The following OTOP3 variants were observed in gnomAD, a reference collection of about 807,000 sequenced individuals.
The protein encoded by OTOP3 is proton channel OTOP3.
OTOP3 carries 41 observed loss-of-function variants against 50.8 expected under a neutral mutation model. That is an observed-to-expected ratio of 0.81 (90% CI 0.63 to 1.05). The LOEUF (loss-of-function observed/expected upper bound fraction) is 1.05. Ranked by LOEUF, OTOP3 falls within the 50% of genes least tolerant of loss-of-function variation. OTOP3 has a pLI of 0.00. For synonymous variants in OTOP3, 320 were observed against 324.4 expected, an observed-to-expected ratio of 0.99 and a Z score of 0.14; for missense variants, 788 against 760.8, an observed-to-expected ratio of 1.04 and a Z score of -0.42.
At position 74,947,250 on chromosome 17, in the gene OTOP3, C is replaced by G. The variant is rs372775110; in HGVS notation, c.1341C>G (p.Asn447Lys). ...TCATCCTGCAGCACATCGCTCAGAA[C>G]CTCTTCATCATCGAGGGCCTGCACC... ...LLLILQHIAQ[N>K]LFIIEGLHRR... The change falls in exon 6 of 7, where the codon AAC (asparagine) becomes AAG (lysine). Residue 447 changes from asparagine to lysine, a missense_variant. By Grantham distance (94) the Asn-to-Lys change is moderately conservative. Transcript: ENST00000328801. The G allele has an allele frequency of 1.2e-6, 2 of 1,613,946 alleles. No individual in the cohort carries two copies. Among genetic ancestry groups the G allele is most frequent in the East Asian group, 2.2e-5 (1 of 44,884 alleles).
In OTOP3 at chr17:74,935,903, C is replaced by CGG. The variant is rs1395298218; in HGVS notation, c.-18_-17dup. 2 of 1,546,962 alleles carry CGG rather than the reference C, an allele frequency of 1.3e-6. No homozygotes were observed. The highest frequency in any genetic ancestry group is 1.7e-4 in the Middle Eastern group (1 of 6,010). On this transcript the variant is annotated 5_prime_UTR_variant, in exon 1 of 7. Coordinates refer to ENST00000328801, the MANE Select transcript of OTOP3 (RefSeq NM_001272005.2). ...GGACGATCCGCTCAGCGCCCGCAGTCGGTGGTTAGCCCACGGCGATGCCTC... is the reference window on the plus strand; with the variant it reads ...GGACGATCCGCTCAGCGCCCGCAGTCGGGGTGGTTAGCCCACGGCGATGCCTC...
At chr17:74,936,958 A>G (rs202120713) in intron 1 of OTOP3, among the ~76,000 whole-genome samples, 2,281 of 29,778 alleles carry the variant, frequency 0.077, 196 homozygotes, top group African/African-American at 0.22. Flanking sequence ...TCACCCCCCC[A>G]CCCTTTTTTT....
In OTOP3 at chr17:74,941,619, C is replaced by A; in HGVS notation, c.246C>A (p.Phe82Leu). The change falls in exon 2 of 7, where the codon TTC becomes TTA. Residue 82 changes from phenylalanine (F) to leucine (L), a missense_variant. Physicochemically the swap from Phe to Leu is conservative, Grantham distance 22 (BLOSUM62 0). Coordinates refer to ENST00000328801, the MANE Select transcript of OTOP3 (RefSeq NM_001272005.2). Reference protein sequence around the residue: ...FSGLLALNVVFLGGAFICSMI... With the variant: ...FSGLLALNVVLLGGAFICSMI... ...GGCTCCTGGCCCTGAATGTGGTGTT[C>A]CTGGGTGGCGCCTTCATCTGCAGCA... 1 of 1,613,786 alleles carries A rather than the reference C, an allele frequency of 6.2e-7. No homozygotes were observed. Among genetic ancestry groups the A allele is most frequent in the Non-Finnish European group, 8.5e-7 (1 of 1,179,794 alleles).
chr17:74,942,902 G>T (rs1294861862), intron 3 of OTOP3, among the ~76,000 whole-genome samples: 1 of 152,084 alleles, frequency 6.6e-6, no homozygotes, highest in Non-Finnish European at 1.5e-5. Flanking sequence ...CCGAGATTGC[G>T]CCACTGCACT....
intron 1 of OTOP3, among the ~76,000 whole-genome samples, chr17:74,936,961 C>CTTTTTTTTTTTT (rs1191319023): frequency 9.9e-6 from 1 of 101,308 alleles, no homozygotes; most frequent in Non-Finnish European, 2.0e-5. Flanking sequence ...CCCCCCCACC[C>CTTTTTTTTTTTT]TTTTTTTTTT....
intron 5 of OTOP3, among the ~76,000 whole-genome samples, chr17:74,945,032 C>T (rs2144786333): frequency 6.6e-6 from 1 of 152,092 alleles, no homozygotes; most frequent in East Asian, 1.9e-4. Context: ...ACTACAGTTT[C>T]AAACTTCTGG....
chr17:74,939,645 G>A (rs1200232052), intron 1 of OTOP3, among the ~76,000 whole-genome samples: 1 of 152,150 alleles, frequency 6.6e-6, no homozygotes, highest in Non-Finnish European at 1.5e-5. Context: ...GTGAATGCTT[G>A]GGAGAGGTGA....
chr17:74,943,476 C>A, intron 4 of OTOP3, 130 bp from the exon 5 acceptor site: 1 of 1,333,624 alleles, frequency 7.5e-7, no homozygotes, highest in Non-Finnish European at 1.1e-6. Flanking sequence ...CTCTTGTGTC[C>A]TAGTGCCAGT....
At chr17:74,944,902 A>G (rs34966732) in intron 5 of OTOP3, among the ~76,000 whole-genome samples, 2 of 152,154 alleles carry the variant, frequency 1.3e-5, no homozygotes, top group African/African-American at 4.8e-5. Flanking sequence ...AAATCATGAC[A>G]TTATATCTCA....
intron 6 of OTOP3, 113 bp from the exon 7 acceptor site, chr17:74,949,133 G>T (rs772641131): frequency 8.6e-6 from 9 of 1,041,550 alleles, no homozygotes; most frequent in Middle Eastern, 2.5e-4. Context: ...AAGACTGAGC[G>T]GGAGGTGGGG....
rs1487281958 is a variant in OTOP3, at chr17:74,947,145, C to T, written c.1236C>T (p.Ala412=). Reference sequence around the variant, plus strand: ...CTGCACTGGGCCAGATGGGCATCGCCTATTTCTCCATCGTGGCCATTGTGG... The same window carrying T: ...CTGCACTGGGCCAGATGGGCATCGCTTATTTCTCCATCGTGGCCATTGTGG... ...MGAALGQMGI[A]YFSIVAIVAK... The change falls in exon 6 of 7, where the codon GCC becomes GCT. Residue 412 remains alanine, a synonymous_variant. Coordinates refer to ENST00000328801, the MANE Select transcript of OTOP3 (RefSeq NM_001272005.2). 1 of 1,614,108 alleles carries T rather than the reference C, an allele frequency of 6.2e-7. No individual in the cohort carries two copies. Among genetic ancestry groups the T allele is most frequent in the South Asian group, 1.1e-5 (1 of 91,088 alleles).
At chr17:74,939,969 T>C (rs1196499993) in intron 1 of OTOP3, among the ~76,000 whole-genome samples, 1 of 151,906 alleles carries the variant, frequency 6.6e-6, no homozygotes, top group Non-Finnish European at 1.5e-5. Context: ...AGTGCAGTGG[T>C]CCAATCATAG....
chr17:74,941,745 C>A lies in OTOP3; in HGVS notation c.372C>A (p.Ser124Arg), dbSNP rs775030109. 5.0e-6 allele frequency: 8 copies of A among 1,613,982 alleles called. No homozygotes were observed. In the Admixed American group the frequency reaches 1.2e-4, roughly 24 times the overall value. Residue 124 changes from serine (S) to arginine (R), a missense_variant, in exon 2 of 7, where the codon AGC becomes AGA. Ser to Arg is a moderately radical substitution (Grantham distance 110). Coordinates refer to ENST00000328801, the MANE Select transcript of OTOP3 (RefSeq NM_001272005.2). ...TTTGGCTTCTCTACTATGTGGCAAG[C>A]ACCACCCGCCGACCACACGCCGTGC... is the stretch of plus-strand genomic sequence containing the variant. ...SLLWLLYYVA[S>R]TTRRPHAVLY...
At position 74,942,008 on chromosome 17, in the gene OTOP3, GTCA is replaced by G; in HGVS notation, c.547_549del (p.Ile183del). The G allele has an allele frequency of 6.2e-7, 1 of 1,612,834 alleles. No individual in the cohort carries two copies. The highest frequency in any genetic ancestry group is 8.5e-7 in the Non-Finnish European group (1 of 1,179,302). On this transcript the variant is annotated inframe_deletion, in exon 3 of 7. Transcript: ENST00000328801. The stretch of plus-strand genomic sequence containing the variant: ...GTCACAGCTGGACCTTGTCTTCTCT[GTCA>G]TCGAGATGGTCTTCATCGGCGTCCA...
intron 1 of OTOP3, among the ~76,000 whole-genome samples, chr17:74,939,667 G>A (rs1218746554): frequency 1.3e-5 from 2 of 152,158 alleles, no homozygotes; most frequent in Non-Finnish European, 2.9e-5. Flanking sequence ...GAAATGGCAG[G>A]AGACATTCAG....
At chr17:74,943,490 A>T in intron 4 of OTOP3, 116 bp from the exon 5 acceptor site, 1 of 1,313,766 alleles carries the variant, frequency 7.6e-7, no homozygotes, top group Non-Finnish European at 1.1e-6. Flanking sequence ...TGCCAGTGTG[A>T]CACTAGGGAG....
Position 74,941,622 on chromosome 17 carries a change from G to A in OTOP3, c.249G>A (p.Leu83=). The A allele has an allele frequency of 1.9e-6, 3 of 1,613,992 alleles. No individual in the cohort carries two copies. The highest frequency in any genetic ancestry group is 2.5e-6 in the Non-Finnish European group (3 of 1,179,906). Residue 83 remains leucine, a synonymous_variant, in exon 2 of 7, where the codon CTG becomes CTA. Coordinates refer to ENST00000328801, the MANE Select transcript of OTOP3 (RefSeq NM_001272005.2). ...SGLLALNVVF[L]GGAFICSMIF... ...TCCTGGCCCTGAATGTGGTGTTCCT[G>A]GGTGGCGCCTTCATCTGCAGCATGA...
intron 1 of OTOP3, among the ~76,000 whole-genome samples, chr17:74,938,110 G>A (rs1491766): frequency 0.21 from 32,357 of 151,978 alleles, 3,753 homozygotes; most frequent in East Asian, 0.4. Flanking sequence ...AGAGTGGAGT[G>A]GGAAAGGGGA....
intron 6 of OTOP3, among the ~76,000 whole-genome samples, chr17:74,947,799 G>C (rs919691222): frequency 6.6e-6 from 1 of 152,240 alleles, no homozygotes; most frequent in African/African-American, 2.4e-5. Context: ...GACACTCCTA[G>C]AGGAAGATGT....
Sources: allele counts gnomAD v4.1 joint callset (sites outside exome capture counted in the v4.1 genomes callset), GRCh38; gene constraint gnomAD v4.1.1; transcripts MANE v1.5; gene names NCBI Gene and HGNC (gene_info 2026-07-23, HGNC 2026-07-21).